CCDC146: variants seen among roughly 807,000 people sequenced by gnomAD.
CCDC146 encodes the protein coiled-coil domain containing 146.
In CCDC146, 92 loss-of-function variants were observed where a neutral mutation model predicts 119.3. The observed-to-expected ratio is 0.77, with a 90% CI of 0.65 to 0.92. CCDC146 has a LOEUF of 0.92. Among genes scored for constraint, CCDC146 ranks in the 40% least tolerant of loss-of-function variants. The pLI is 0.00. For missense variants in CCDC146, 1,000 were observed against 1,103.0 expected, an observed-to-expected ratio of 0.91 and a Z score of 1.32; for synonymous variants, 372 against 371.8, an observed-to-expected ratio of 1.00 and a Z score of -0.01.
intron 1 of CCDC146, among the ~76,000 whole-genome samples, chr7:77,151,857 G>T (rs1206952297): frequency 3.3e-5 from 5 of 152,144 alleles, no homozygotes; most frequent in Admixed American, 6.6e-5. Flanking sequence ...GCTCTCAGTT[G>T]TCTGGTCCAC....
chr7:77,234,913 T>C (rs1792705953), intron 2 of CCDC146, among the ~76,000 whole-genome samples: 1 of 152,076 alleles, frequency 6.6e-6, no homozygotes, highest in Non-Finnish European at 1.5e-5. Flanking sequence ...TGGCACCAGA[T>C]AGTATGGCCC....
intron 1 of CCDC146, among the ~76,000 whole-genome samples, chr7:77,164,723 C>T (rs868468797): frequency 6.6e-6 from 1 of 151,974 alleles, no homozygotes; most frequent in East Asian, 1.9e-4. Context: ...CTAATTTTAC[C>T]CCATTTTAGA....
intron 2 of CCDC146, among the ~76,000 whole-genome samples, chr7:77,191,536 G>A (rs1205458517): frequency 6.6e-6 from 1 of 152,110 alleles, no homozygotes; most frequent in Admixed American, 6.5e-5. Context: ...ATATAATAAG[G>A]AATATGTAGG....
intron 8 of CCDC146, 94 bp from the exon 9 acceptor site, chr7:77,262,027 C>A: frequency 2.9e-6 from 3 of 1,021,894 alleles, no homozygotes; most frequent in Non-Finnish European, 2.8e-6. Flanking sequence ...AGATTGGGAG[C>A]CAATATTCAG....
intron 4 of CCDC146, among the ~76,000 whole-genome samples, chr7:77,243,277 A>G (rs1403026168): frequency 6.6e-6 from 1 of 152,250 alleles, no homozygotes; most frequent in East Asian, 1.9e-4. Context: ...TGAGATGGGA[A>G]GGAGACAATG....
At chr7:77,135,653 A>G (rs3095447) in intron 1 of CCDC146, among the ~76,000 whole-genome samples, 30,915 of 152,070 alleles carry the variant, frequency 0.2, 3,470 homozygotes, top group African/African-American at 0.22. Context: ...CAACAACATT[A>G]AGAACTTACT....
chr7:77,196,095 A>G lies in CCDC146; in HGVS notation c.156+28271A>G. 4 of 562,986 alleles carry G rather than the reference A, an allele frequency of 7.1e-6. No homozygotes were observed. The highest frequency in any genetic ancestry group is 3.3e-5 in the Admixed American group (1 of 30,668). 34.9% of individuals were successfully genotyped at this position (562,986 alleles called of 1,614,324 possible). A position where few individuals can be genotyped will look rare whatever the true frequency, so the allele number is the denominator to read the frequency against. On this transcript the variant is annotated intron_variant, in intron 2 of 18. Coordinates refer to ENST00000285871, the MANE Select transcript of CCDC146 (RefSeq NM_020879.3). The surrounding 1 kb of genome is among the most constrained non-coding windows in gnomAD (Gnocchi z 4.2). The stretch of plus-strand genomic sequence containing the variant: ...GTGTTCATTGGATAACAGCATAACA[A>G]CAAAGGACTCCTTTAAAATGCATTG...
At position 77,256,314 on chromosome 7, in the gene CCDC146, A is replaced by G; in HGVS notation, c.508-19A>G. On this transcript the variant is annotated intron_variant, in intron 5 of 18. Transcript: ENST00000285871. ...TTTGCTCAGACTATATAACCTAATC[A>G]TCTTCACGACTTTTAAAGGAAATGG... 3.8e-6 allele frequency: 6 copies of G among 1,569,934 alleles called. No homozygotes were observed. The highest frequency in any genetic ancestry group is 5.2e-6 in the Non-Finnish European group (6 of 1,161,174).
intron 2 of CCDC146, among the ~76,000 whole-genome samples, chr7:77,172,727 G>A (rs1791441191): frequency 6.6e-6 from 1 of 152,154 alleles, no homozygotes; most frequent in Non-Finnish European, 1.5e-5. Flanking sequence ...AGATGTCTAA[G>A]GAAACTGGCA....
At chr7:77,261,883 T>G (rs1685648665) in intron 8 of CCDC146, among the ~76,000 whole-genome samples, 1 of 152,246 alleles carries the variant, frequency 6.6e-6, no homozygotes. Context: ...TCTTTGCTAT[T>G]GTGAATAGCA....
chr7:77,273,010 G>A (rs904065866), intron 9 of CCDC146, among the ~76,000 whole-genome samples: 5 of 152,050 alleles, frequency 3.3e-5, no homozygotes, highest in Non-Finnish European at 7.4e-5. Flanking sequence ...TTTCATAAAT[G>A]TACTCACATT....
At chr7:77,136,989 A>G (rs189718464) in intron 1 of CCDC146, among the ~76,000 whole-genome samples, 9,105 of 152,232 alleles carry the variant, frequency 0.06, 404 homozygotes, top group Non-Finnish European at 0.087. Context: ...CAACAGGCTA[A>G]AAAAGAAAAA....
At chr7:77,199,721 T>C (rs747738881) in intron 2 of CCDC146, 2 of 1,614,136 alleles carry the variant, frequency 1.2e-6, no homozygotes, top group Non-Finnish European at 1.7e-6. Flanking sequence ...TCTGTTTCAT[T>C]GTTTGCCACA....
rs781093147 is a variant in CCDC146, at chr7:77,262,277, T to A, written c.1143T>A (p.Thr381=). ...TGTCCTGGGATGCACTTAGGCAAAC[T>A]CAAGCACTGCATCAAAGGCTTCTAT... ...LKVSWDALRQ[T]QALHQRLLLE... is the part of the protein sequence containing the mutation. The change falls in exon 9 of 19, where the codon ACT becomes ACA. Residue 381 remains threonine (T), a synonymous_variant. Transcript: ENST00000285871. 2 of 1,610,956 alleles carry A rather than the reference T, an allele frequency of 1.2e-6. No individual in the cohort carries two copies. The highest frequency in any genetic ancestry group is 1.7e-6 in the Non-Finnish European group (2 of 1,178,718).
chr7:77,263,798 C>A (rs1457429544), intron 9 of CCDC146, among the ~76,000 whole-genome samples: 1 of 152,140 alleles, frequency 6.6e-6, no homozygotes, highest in African/African-American at 2.4e-5. Flanking sequence ...CTGGTGCACA[C>A]CCATGATCCC....
At chr7:77,168,043 G>A (rs151144316) in intron 2 of CCDC146, among the ~76,000 whole-genome samples, 4,285 of 152,204 alleles carry the variant, frequency 0.028, 7 homozygotes, top group Non-Finnish European at 0.045. Flanking sequence ...TGATACTTTC[G>A]TAGCATAAGT....
chr7:77,132,833 T>C (rs1054958828), intron 1 of CCDC146, among the ~76,000 whole-genome samples: 35 of 152,082 alleles, frequency 2.3e-4, no homozygotes, highest in African/African-American at 8.2e-4. Context: ...GAAAATGTGA[T>C]TGTCTCTATA....
At chr7:77,198,960 A>C in intron 2 of CCDC146, 4 of 544,098 alleles carry the variant, frequency 7.4e-6, no homozygotes, top group Non-Finnish European at 1.3e-5. Context: ...TTAAAATTGA[A>C]AGTGACTTCC....
At chr7:77,263,136 C>A (rs1478292671) in intron 9 of CCDC146, among the ~76,000 whole-genome samples, 2 of 152,174 alleles carry the variant, frequency 1.3e-5, no homozygotes, top group Non-Finnish European at 2.9e-5. Context: ...CACCTCTGAT[C>A]CTAACCTATG....
Sources: gnomAD v4.1 joint callset for allele counts (sites outside exome capture counted in the v4.1 genomes callset) on GRCh38, gnomAD v4.1.1 for gene constraint, Gnocchi (gnomAD v3.1) non-coding constraint, MANE v1.5 for transcripts, NCBI Gene and HGNC (gene_info 2026-07-23, HGNC 2026-07-21) for gene names.